The following IL1RAPL1 variants were observed in gnomAD, a reference collection of about 807,000 sequenced individuals.
IL1RAPL1 encodes interleukin 1 receptor accessory protein like 1, also known as interleukin-1 receptor accessory protein-like 1.
Under a neutral mutation model 48.4 loss-of-function variants are expected in IL1RAPL1, and 3 were observed. The observed-to-expected ratio is 0.06, with a 90% confidence interval of 0.03 to 0.16. The LOEUF is 0.16. Among genes scored for constraint, IL1RAPL1 ranks in the 10% least tolerant of loss-of-function variants. The pLI, the probability that IL1RAPL1 is intolerant of heterozygous loss-of-function variation, is 1.00. For missense variants in IL1RAPL1, 349 were observed against 530.6 expected, an observed-to-expected ratio of 0.66 and a Z score of 3.36; for synonymous variants, 185 against 187.7, an observed-to-expected ratio of 0.99 and a Z score of 0.12.
intron 1 of IL1RAPL1, among the ~76,000 whole-genome samples, chrX:28,788,586 C>T (rs1434600012): frequency 9.1e-6 from 1 of 109,683 alleles, no homozygotes; most frequent in Non-Finnish European, 1.9e-5. Context: ...CCTACATCAG[C>T]CTCCCAAGTA....
chrX:28,821,137 A>G (rs1460909175), intron 2 of IL1RAPL1, among the ~76,000 whole-genome samples: 1 of 111,914 alleles, frequency 8.9e-6, no homozygotes, highest in Non-Finnish European at 1.9e-5. Context: ...ATTTAGGACA[A>G]ATTGAAACAT....
At chrX:29,415,421 T>G (rs1219534223) in intron 5 of IL1RAPL1, among the ~76,000 whole-genome samples, 1 of 109,395 alleles carries the variant, frequency 9.1e-6, no homozygotes, top group Non-Finnish European at 1.9e-5. Flanking sequence ...ACCATTTTGT[T>G]TTTTTTTTTC....
At chrX:28,871,434 G>C (rs938205678) in intron 2 of IL1RAPL1, among the ~76,000 whole-genome samples, 2 of 111,294 alleles carry the variant, frequency 1.8e-5, no homozygotes, top group African/African-American at 6.5e-5. Flanking sequence ...TTCCTTTTTT[G>C]ACCCTGTTAA....
chrX:28,862,400 C>T (rs954534930), intron 2 of IL1RAPL1, among the ~76,000 whole-genome samples: 1 of 112,042 alleles, frequency 8.9e-6, no homozygotes, highest in Non-Finnish European at 1.9e-5. Flanking sequence ...ATATAACAAA[C>T]ATCATGAGAG....
chrX:29,001,236 A>G (rs1305290163), intron 2 of IL1RAPL1, among the ~76,000 whole-genome samples: 1 of 112,129 alleles, frequency 8.9e-6, no homozygotes, highest in Non-Finnish European at 1.9e-5. Flanking sequence ...TCTTACATAC[A>G]GTATTAATTT....
At chrX:29,618,022 G>C (rs1352046853) in intron 5 of IL1RAPL1, among the ~76,000 whole-genome samples, 1 of 111,258 alleles carries the variant, frequency 9.0e-6, no homozygotes, top group African/African-American at 3.3e-5. Context: ...TTTCCCACTG[G>C]GTCTTATATT....
intron 5 of IL1RAPL1, among the ~76,000 whole-genome samples, chrX:29,501,850 G>A (rs1294570584): frequency 1.3e-5 from 1 of 77,525 alleles, no homozygotes; most frequent in African/African-American, 5.9e-5. Flanking sequence ...TTCTATTTCT[G>A]TGAAGAATGT....
chrX:29,665,803 G>C (rs1294398579), intron 5 of IL1RAPL1, among the ~76,000 whole-genome samples: 2 of 112,067 alleles, frequency 1.8e-5, no homozygotes, highest in African/African-American at 6.5e-5. Flanking sequence ...GACACTTACA[G>C]ATGATGACAG....
intron 1 of IL1RAPL1, among the ~76,000 whole-genome samples, chrX:28,598,313 A>G (rs988253072): frequency 2.7e-5 from 3 of 111,889 alleles, no homozygotes; most frequent in Non-Finnish European, 5.6e-5. Context: ...TTTAGTTTAA[A>G]TTATTTTTCT....
At chrX:29,456,922 T>G (rs1400854032) in intron 5 of IL1RAPL1, among the ~76,000 whole-genome samples, 1 of 110,996 alleles carries the variant, frequency 9.0e-6, no homozygotes, top group Non-Finnish European at 1.9e-5. Flanking sequence ...AGCTTGAGCC[T>G]GGAAGTTCAC....
Position 29,955,895 on chromosome X carries a change from G to C in IL1RAPL1, c.*75G>C. On this transcript the variant is annotated 3_prime_UTR_variant, in exon 11 of 11. Transcript: ENST00000378993. ...GTCCAGTGCCTGGAACTAAATCCTC[G>C]ACTGCTGCTGTTAAAAAACATGCAT... 1 of 761,657 alleles carries C rather than the reference G, an allele frequency of 1.3e-6. No individual in the cohort carries two copies. 62.8% of individuals were successfully genotyped at this position (761,657 alleles called of 1,213,427 possible).
At chrX:28,892,770 A>G (rs1445010954) in intron 2 of IL1RAPL1, among the ~76,000 whole-genome samples, 2 of 110,224 alleles carry the variant, frequency 1.8e-5, no homozygotes, top group Non-Finnish European at 3.8e-5. Context: ...AAGGGGTGAT[A>G]TTGTGGGGTT....
chrX:28,781,761 AG>A (rs1285466225), intron 1 of IL1RAPL1, among the ~76,000 whole-genome samples: 1 of 111,232 alleles, frequency 9.0e-6, no homozygotes, highest in Non-Finnish European at 1.9e-5. Context: ...TTTTAGAAGC[AG>A]GATGATTGAT....
chrX:28,945,420 A>G (rs1210798752), intron 2 of IL1RAPL1, among the ~76,000 whole-genome samples: 1 of 111,655 alleles, frequency 9.0e-6, no homozygotes, highest in African/African-American at 3.3e-5. Flanking sequence ...CTATGCAGCC[A>G]TAAAAAGGAA....
intron 2 of IL1RAPL1, among the ~76,000 whole-genome samples, chrX:28,888,380 C>G (rs1385096970): frequency 1.8e-5 from 2 of 112,068 alleles, no homozygotes; most frequent in Non-Finnish European, 1.9e-5. Context: ...GCCCTCACCC[C>G]ACTTTAGCCT....
chrX:29,187,296 T>A (rs777484876), intron 2 of IL1RAPL1, among the ~76,000 whole-genome samples: 1 of 111,694 alleles, frequency 9.0e-6, no homozygotes, highest in Non-Finnish European at 1.9e-5. Flanking sequence ...TGCCAAGAAT[T>A]ATGACATGTG....
intron 3 of IL1RAPL1, among the ~76,000 whole-genome samples, chrX:29,298,669 C>T (rs952629215): frequency 1.8e-5 from 2 of 111,740 alleles, no homozygotes; most frequent in Admixed American, 1.9e-4. Flanking sequence ...GCCCCTTAAA[C>T]TCAGAGATCT....
intron 1 of IL1RAPL1, among the ~76,000 whole-genome samples, chrX:28,735,666 G>A (rs1339419317): frequency 9.1e-6 from 1 of 109,834 alleles, no homozygotes; most frequent in African/African-American, 3.3e-5. Flanking sequence ...TAGCTGCTTG[G>A]GAGCCTGAGG....
At chrX:29,188,585 C>CTTTTTTT (rs11371992) in intron 2 of IL1RAPL1, among the ~76,000 whole-genome samples, 1 of 79,174 alleles carries the variant, frequency 1.3e-5, no homozygotes, top group Non-Finnish European at 2.3e-5. Flanking sequence ...AAAACATACA[C>CTTTTTTT]TTTTTTTTTT....
Sources: gnomAD v4.1 joint callset for allele counts (sites outside exome capture counted in the v4.1 genomes callset) on GRCh38, gnomAD v4.1.1 for gene constraint, MANE v1.5 for transcripts, NCBI Gene and HGNC (gene_info 2026-07-23, HGNC 2026-07-21) for gene names.